The following ARFGEF1 variants were observed in gnomAD, a reference collection of about 807,000 sequenced individuals.
ARFGEF1 encodes ARF guanine nucleotide exchange factor 1.
Under a neutral mutation model 231.0 loss-of-function variants are expected in ARFGEF1, and 42 were observed. The observed-to-expected ratio is 0.18, with a 90% CI of 0.14 to 0.24. The LOEUF is 0.24. Among genes scored for constraint, ARFGEF1 ranks in the 10% least tolerant of loss-of-function variants. The pLI, the probability that ARFGEF1 is intolerant of heterozygous loss-of-function variation, is 1.00. For missense variants in ARFGEF1, 1,345 were observed against 2,192.0 expected (o/e 0.61, Z 7.72); for synonymous variants, 710 against 732.3 (o/e 0.97, Z 0.49).
At chr8:67,328,824 CAG>C (rs1807960099) in intron 1 of ARFGEF1, among the ~76,000 whole-genome samples, 1 of 152,038 alleles carries the variant, frequency 6.6e-6, no homozygotes, top group African/African-American at 2.4e-5. Context: ...TCAATGCTGA[CAG>C]AGATTCTGAG....
Position 67,244,242 on chromosome 8 carries a change from C to CAAAAAAAAA in ARFGEF1, c.2851-3961_2851-3953dup, listed in dbSNP as rs34333039. On this transcript the variant is annotated intron_variant, in intron 19 of 38. Transcript: ENST00000262215. ...TGGGCGACAAAGCGAGACTCCACCTCAAAAAAAAAAAAAAAAAAAAAAAAA... is the reference window on the plus strand; with the variant it reads ...TGGGCGACAAAGCGAGACTCCACCTCAAAAAAAAAAAAAAAAAAAAAAAAAAAAAAAAAA... Among the ~76,000 whole-genome samples, 31 of 20,096 alleles carry CAAAAAAAAA rather than the reference C, an allele frequency of 1.5e-3. 2 individuals are homozygous for CAAAAAAAAA. Among genetic ancestry groups the CAAAAAAAAA allele is most frequent in the Admixed American group, 4.5e-3 (4 of 884 alleles). The allele number at this position is 20,096 out of a possible 152,430, so 13.2% of individuals were successfully genotyped here.
chr8:67,241,988 G>A (rs1444832156), intron 19 of ARFGEF1, among the ~76,000 whole-genome samples: 1 of 152,186 alleles, frequency 6.6e-6, no homozygotes, highest in Non-Finnish European at 1.5e-5. Context: ...GAGCTGAACT[G>A]AGCTGATGCC....
rs1840362563 is a variant in ARFGEF1 at position 67,253,473 on chromosome 8, G to C, written c.2676C>G (p.Ile892Met). 1.9e-6 allele frequency: 3 copies of C among 1,567,740 alleles called. No homozygotes were observed. Among genetic ancestry groups the C allele is most frequent in the South Asian group, 2.3e-5 (2 of 88,050 alleles). Residue 892 changes from isoleucine to methionine, a missense_variant, in exon 18 of 39, where the codon ATC (isoleucine) becomes ATG (methionine). Ile to Met is a conservative substitution (Grantham distance 10, BLOSUM62 1). Around this residue, in one of 14 missense-constraint regions of ARFGEF1, gnomAD observed 23 missense variants for 21.6 expected, o/e 1.07. Transcript: ENST00000262215. ...ISMKETKELTIPTKSSKQNVA... is the reference protein window; with the variant it reads ...ISMKETKELTMPTKSSKQNVA... ...TACTCTGTTTACTTGATTTTGTAGG[G>C]ATTGTTAGTTCTTTTGTTTCTTTCA...
rs1362417991 is a variant in ARFGEF1, at chr8:67,251,458, A to G, written c.2699-8T>C. The G allele has an allele frequency of 1.9e-6, 3 of 1,584,584 alleles. No individual in the cohort carries two copies. The highest frequency in any genetic ancestry group is 1.9e-5 in the Admixed American group (1 of 53,680). ...GTTTTTCACTGGCTACATCTGAAAC[A>G]ATAAACACTATCAGCATTTTAAATA... On this transcript the variant is annotated splice_polypyrimidine_tract_variant and splice_region_variant and intron_variant, in intron 18 of 38. Transcript: ENST00000262215.
intron 22 of ARFGEF1, among the ~76,000 whole-genome samples, chr8:67,235,167 T>C (rs1839686233): frequency 6.7e-6 from 1 of 149,906 alleles, no homozygotes; most frequent in Admixed American, 6.6e-5. Context: ...TTTAAAATCA[T>C]TAATAATAAA....
chr8:67,238,989 T>C (rs1366102609), intron 20 of ARFGEF1, 96 bp from the exon 21 acceptor site: 20 of 991,322 alleles, frequency 2.0e-5, no homozygotes, highest in South Asian at 2.9e-5. Context: ...CAGTAAGATT[T>C]TGTTTTTTTT....
rs181441312 is a variant in ARFGEF1 at position 67,319,437 on chromosome 8, A to G, written c.125-16971T>C. ...ATGATTAATTTTTGACAAAAGTACA[A>G]GTGCAATTCAATGGAGAAAGGATAA... On this transcript the variant is annotated intron_variant, in intron 1 of 38. Coordinates refer to ENST00000262215, the MANE Select transcript of ARFGEF1 (RefSeq NM_006421.5). 2.2e-3 allele frequency among the ~76,000 whole-genome samples: 337 copies of G among 152,108 alleles called. 1 individual carries two copies. Among genetic ancestry groups the G allele is most frequent in the African/African-American group, 7.9e-3 (329 of 41,520 alleles).
chr8:67,308,394 A>G (rs907622278), intron 1 of ARFGEF1, among the ~76,000 whole-genome samples: 3 of 152,238 alleles, frequency 2.0e-5, no homozygotes, highest in African/African-American at 7.2e-5. Context: ...CTAGAGGTAC[A>G]AAAGGATTGC....
chr8:67,322,027 C>T (rs905561862), intron 1 of ARFGEF1, among the ~76,000 whole-genome samples: 1 of 152,208 alleles, frequency 6.6e-6, no homozygotes, highest in East Asian at 1.9e-4. Context: ...TTGTAAATCC[C>T]CTGTAAAGAT....
intron 30 of ARFGEF1, among the ~76,000 whole-genome samples, chr8:67,218,844 G>A (rs1037001458): frequency 2.6e-5 from 4 of 151,934 alleles, no homozygotes; most frequent in African/African-American, 9.7e-5. Flanking sequence ...TAATACTAAA[G>A]AAAGTTACTG....
chr8:67,343,225 G>T lies in ARFGEF1; in HGVS notation c.63C>A (p.Ala21=). ...GATGCGCCTTCTTCACTTCCTTGTC[G>T]GCCAATATCTTCTCCAGAGCCCGGG... is the stretch of plus-strand genomic sequence containing the variant. ...FLTRALEKIL[A]DKEVKKAHHS... The change falls in exon 1 of 39, where the codon GCC becomes GCA. Residue 21 remains alanine (A), a synonymous_variant. Coordinates refer to ENST00000262215, the MANE Select transcript of ARFGEF1 (RefSeq NM_006421.5). The T allele has an allele frequency of 6.2e-7, 1 of 1,613,670 alleles. No individual in the cohort carries two copies. The highest frequency in any genetic ancestry group is 1.3e-5 in the African/African-American group (1 of 74,958).
chr8:67,300,641 G>C (rs1475306657), intron 3 of ARFGEF1, among the ~76,000 whole-genome samples: 1 of 138,128 alleles, frequency 7.2e-6, no homozygotes, highest in Admixed American at 7.5e-5. Context: ...TGGCCAACAT[G>C]GTGAAACTCT....
intron 19 of ARFGEF1, among the ~76,000 whole-genome samples, chr8:67,249,601 A>G (rs969563382): frequency 6.7e-6 from 1 of 150,238 alleles, no homozygotes; most frequent in Non-Finnish European, 1.5e-5. Context: ...CAGAACTCTC[A>G]GAGAGGGTGA....
downstream of ARFGEF1, chr8:67,195,503 C>T (rs771696486): frequency 3.7e-6 from 6 of 1,614,218 alleles, no homozygotes; most frequent in South Asian, 1.1e-5. Context: ...TGAAACGTTT[C>T]ATGGCAGAGC....
In ARFGEF1 at chr8:67,222,598, G is replaced by A. The variant is rs555606054; in HGVS notation, c.4208+2305C>T. Among the ~76,000 whole-genome samples, 10 of 152,006 alleles carry A rather than the reference G, an allele frequency of 6.6e-5. No homozygotes were observed. The East Asian group carries it at 1.2e-3, about 18-fold the overall frequency. ...CCTAAGTAGCTGCGATTACAGGTGCGCACCACCACGCCTCGCTAATTTTTG... is the reference window on the plus strand; with the variant it reads ...CCTAAGTAGCTGCGATTACAGGTGCACACCACCACGCCTCGCTAATTTTTG... On this transcript the variant is annotated intron_variant, in intron 29 of 38. Coordinates refer to ENST00000262215, the MANE Select transcript of ARFGEF1 (RefSeq NM_006421.5).
At chr8:67,240,430 G>C (rs889392970) in intron 19 of ARFGEF1, 140 bp from the exon 20 acceptor site, 1 of 770,948 alleles carries the variant, frequency 1.3e-6, no homozygotes, top group South Asian at 2.1e-5. Context: ...TAAACAAAGG[G>C]GGAAAACTAT....
chr8:67,254,787 T>C (rs2128887185), intron 17 of ARFGEF1, among the ~76,000 whole-genome samples: 1 of 152,298 alleles, frequency 6.6e-6, no homozygotes, highest in East Asian at 1.9e-4. Context: ...GCAGGAGTGC[T>C]TTCCCTACAA....
chr8:67,208,283 T>C (rs1838591865), intron 34 of ARFGEF1, among the ~76,000 whole-genome samples: 1 of 152,128 alleles, frequency 6.6e-6, no homozygotes, highest in Non-Finnish European at 1.5e-5. Flanking sequence ...AAAAATTCCC[T>C]GAAAAAAATT....
At chr8:67,176,899 C>T (rs1039957638) in intron 5 of ARFGEF1, among the ~76,000 whole-genome samples, 4 of 151,812 alleles carry the variant, frequency 2.6e-5, no homozygotes, top group Admixed American at 2.0e-4. Context: ...GTGAAACCCC[C>T]GTCTCTACTA....
Sources: gnomAD v4.1 joint callset for allele counts (sites outside exome capture counted in the v4.1 genomes callset) on GRCh38, gnomAD v4.1.1 for gene constraint, gnomAD v4.1.1 regional missense constraint, MANE v1.5 for transcripts, NCBI Gene and HGNC (gene_info 2026-07-23, HGNC 2026-07-21) for gene names.